The following PNPLA7 variants were observed in gnomAD, a reference collection of about 807,000 sequenced individuals.
The protein encoded by PNPLA7 is patatin-like phospholipase domain-containing protein 7.
In PNPLA7, 153 loss-of-function variants were observed where a neutral mutation model predicts 161.7. The ratio of observed to expected loss-of-function variants is 0.95; its 90% CI spans 0.83 to 1.08. PNPLA7 has a LOEUF of 1.08. PNPLA7 is among the 50% of genes least tolerant of loss of function. The pLI is 0.00. For missense variants in PNPLA7, 1,739 were observed against 1,856.6 expected (o/e 0.94, Z 1.16); for synonymous variants, 809 against 782.1 (o/e 1.03, Z -0.57).
chr9:137,525,631 T>C (rs1835262102), intron 8 of PNPLA7, among the ~76,000 whole-genome samples: 1 of 151,908 alleles, frequency 6.6e-6, no homozygotes, highest in East Asian at 1.9e-4. Flanking sequence ...CTGCTACTGC[T>C]ATCTAGAAGG....
At chr9:137,473,195 A>G (rs887377605) in intron 25 of PNPLA7, among the ~76,000 whole-genome samples, 6 of 152,286 alleles carry the variant, frequency 3.9e-5, no homozygotes, top group Middle Eastern at 3.4e-3. Context: ...CTCCCACAAC[A>G]CATGGGGATT....
chr9:137,547,548 A>T lies in PNPLA7; in HGVS notation c.105+37T>A, dbSNP rs1003303255. The T allele has an allele frequency of 6.2e-7, 1 of 1,611,130 alleles. No homozygotes were observed. The highest frequency in any genetic ancestry group is 1.3e-5 in the African/African-American group (1 of 74,908). On this transcript the variant is annotated intron_variant, in intron 2 of 34. Coordinates refer to ENST00000406427, the MANE Select transcript of PNPLA7 (RefSeq NM_001098537.3). This position sits in a 1 kb window ranked among gnomAD's most constrained non-coding sequence, Gnocchi z 4.6. ...GGAGAGGTGAAAAAGGCCACGGCCC[A>T]TCCAGGTCTGGCTCCAGGGAAGCGT...
chr9:137,515,494 A>G lies in PNPLA7; in HGVS notation c.1110T>C (p.Ala370=). Residue 370 remains alanine (A), a synonymous_variant, in exon 12 of 35, where the codon GCT becomes GCC. Coordinates refer to ENST00000406427, the MANE Select transcript of PNPLA7 (RefSeq NM_001098537.3). ...GGCTCCTCTTCAGCAGGGGCCCAGC[A>G]GCTGCCGGGCGGCCGCCCCCGTGAT... ...DSDHGGGRPA[A]AGPLLKRSHS... 6.4e-7 allele frequency: 1 copy of G among 1,568,078 alleles called. No homozygotes were observed. Among genetic ancestry groups the G allele is most frequent in the Non-Finnish European group, 8.6e-7 (1 of 1,160,288 alleles).
intron 25 of PNPLA7, 119 bp downstream of exon 25, chr9:137,477,915 G>A: frequency 1.2e-6 from 1 of 840,578 alleles, no homozygotes; most frequent in Non-Finnish European, 1.6e-6. Flanking sequence ...CAGGCGGCCT[G>A]AGGGTCTCGT....
chr9:137,521,146 G>A (rs1834970691), intron 10 of PNPLA7, among the ~76,000 whole-genome samples: 1 of 152,168 alleles, frequency 6.6e-6, no homozygotes, highest in Non-Finnish European at 1.5e-5. Context: ...GGCATGGGGA[G>A]GGGCAGCCTC....
intron 20 of PNPLA7, chr9:137,492,131 G>A: frequency 1.0e-6 from 1 of 985,368 alleles, no homozygotes; most frequent in African/African-American, 1.7e-5. Flanking sequence ...AGGACAGCCT[G>A]AGAGCTAACA....
intron 14 of PNPLA7, among the ~76,000 whole-genome samples, chr9:137,505,210 G>C (rs978707829): frequency 2.6e-5 from 2 of 76,848 alleles, no homozygotes; most frequent in Non-Finnish European, 2.8e-5. Context: ...AAAAAAAAAA[G>C]CTTTCCATCA....
rs1468981993 is a variant in PNPLA7 at position 137,493,032 on chromosome 9, G to T, written c.2178C>A (p.Leu726=). The change falls in exon 20 of 35, where the codon CTC becomes CTA. Residue 726 remains leucine, a synonymous_variant. Transcript: ENST00000406427. ...HLLGEKILGS[L]QQGPVTGHQL... ...ACCCACCTGTCACAGGTCCCTGCTG[G>T]AGGCTGCCCAGGATCTTCTCACCCA... The T allele has an allele frequency of 6.2e-7, 1 of 1,613,718 alleles. No homozygotes were observed. Among genetic ancestry groups the T allele is most frequent in the East Asian group, 2.2e-5 (1 of 44,892 alleles).
chr9:137,460,968 G>A, intron 33 of PNPLA7: 1 of 530,410 alleles, frequency 1.9e-6, no homozygotes, highest in Non-Finnish European at 3.4e-6. Context: ...ACAAGGACAA[G>A]GAGCGGGCAG....
Position 137,524,604 on chromosome 9 carries a change from G to A in PNPLA7, c.748-1747C>T, listed in dbSNP as rs1038686057. On this transcript the variant is annotated intron_variant, in intron 8 of 34. Transcript: ENST00000406427. This position sits in a 1 kb window ranked among gnomAD's most constrained non-coding sequence, Gnocchi z 4.4. ...TAGGGATGGGACTTGTAGGTTGTACGGAACACGTATCCTCACATTTATAAG... is the reference window on the plus strand; with the variant it reads ...TAGGGATGGGACTTGTAGGTTGTACAGAACACGTATCCTCACATTTATAAG... Among the ~76,000 whole-genome samples the A allele has an allele frequency of 1.3e-5, 2 of 152,222 alleles. No homozygotes were observed. The highest frequency in any genetic ancestry group is 4.8e-5 in the African/African-American group (2 of 41,450).
intron 11 of PNPLA7, among the ~76,000 whole-genome samples, chr9:137,517,529 G>A (rs370240122): frequency 0.08 from 2,754 of 34,588 alleles, no homozygotes; most frequent in African/African-American, 0.15. Flanking sequence ...ACTCCACTCT[G>A]TCCACTCCAT....
chr9:137,517,252 C>G (rs1834646094), intron 11 of PNPLA7, among the ~76,000 whole-genome samples: 1 of 102,932 alleles, frequency 9.7e-6, no homozygotes, highest in African/African-American at 4.0e-5. Context: ...CTCACTCACT[C>G]CACTCTGTCC....
chr9:137,498,274 C>T, intron 16 of PNPLA7, 29 bp from the exon 17 acceptor site: 1 of 1,605,852 alleles, frequency 6.2e-7, no homozygotes, highest in Non-Finnish European at 8.5e-7. Context: ...TCAATCCTGC[C>T]CCATCCCTCC....
At chr9:137,526,417 A>G (rs951043900) in intron 8 of PNPLA7, among the ~76,000 whole-genome samples, 2 of 152,302 alleles carry the variant, frequency 1.3e-5, no homozygotes, top group Non-Finnish European at 2.9e-5. Context: ...AGCTGGGACT[A>G]CAGGCGCCCG....
chr9:137,508,924 A>T (rs1834056511), intron 12 of PNPLA7: 1 of 152,264 alleles, frequency 6.6e-6, no homozygotes, highest in African/African-American at 2.4e-5. Context: ...CAAAAGACAA[A>T]GAAGGCTATC....
Position 137,476,587 on chromosome 9 carries a change from C to T in PNPLA7, c.2882+1447G>A, listed in dbSNP as rs1010455622. On this transcript the variant is annotated intron_variant, in intron 25 of 34. Transcript: ENST00000406427. This position sits in a 1 kb window ranked among gnomAD's most constrained non-coding sequence, Gnocchi z 4.5. The stretch of plus-strand genomic sequence containing the variant: ...CAAGCAGACAGCTCAAAACACTGGA[C>T]ATGGTTATTTCTGGGATAACTCTGG... Among the ~76,000 whole-genome samples the T allele has an allele frequency of 3.9e-5, 6 of 152,080 alleles. No homozygotes were observed. The highest frequency in any genetic ancestry group is 1.4e-4 in the African/African-American group (6 of 41,388).
At chr9:137,482,787 G>A (rs1832285408) in intron 21 of PNPLA7, among the ~76,000 whole-genome samples, 2 of 152,268 alleles carry the variant, frequency 1.3e-5, no homozygotes, top group South Asian at 2.1e-4. Context: ...GCCCGTGAAG[G>A]AGCCCTGGCG....
intron 25 of PNPLA7, among the ~76,000 whole-genome samples, chr9:137,477,095 C>T (rs1285159772): frequency 1.3e-5 from 2 of 152,246 alleles, no homozygotes; most frequent in Admixed American, 6.5e-5. Context: ...CCTGGACCCC[C>T]GCCCAGGCAC....
At chr9:137,475,327 T>C (rs996519686) in intron 25 of PNPLA7, among the ~76,000 whole-genome samples, 1 of 152,162 alleles carries the variant, frequency 6.6e-6, no homozygotes, top group Non-Finnish European at 1.5e-5. Context: ...AGTGAGCTTA[T>C]GATTGCCACT....
Sources: allele counts gnomAD v4.1 joint callset (sites outside exome capture counted in the v4.1 genomes callset), GRCh38; gene constraint gnomAD v4.1.1; non-coding constraint Gnocchi (gnomAD v3.1); transcripts MANE v1.5; gene names NCBI Gene and HGNC (gene_info 2026-07-23, HGNC 2026-07-21).